MTPAP: variants seen among roughly 807,000 people sequenced by gnomAD.
The protein encoded by MTPAP is poly(A) RNA polymerase, mitochondrial.
In MTPAP, 23 loss-of-function variants were observed where a neutral mutation model predicts 48.7. The observed-to-expected ratio is 0.47, with a 90% confidence interval of 0.34 to 0.67. The LOEUF is 0.67. Among genes scored for constraint, MTPAP ranks in the 30% least tolerant of loss-of-function variants. The pLI, the probability that MTPAP is intolerant of heterozygous loss-of-function variation, is 0.01. For synonymous variants in MTPAP, 257 were observed against 254.1 expected, an observed-to-expected ratio of 1.01 and a Z score of -0.11; for missense variants, 614 against 694.3, an observed-to-expected ratio of 0.88 and a Z score of 1.30.
chr10:30,347,772 T>A (rs1042179628), intron 1 of MTPAP, among the ~76,000 whole-genome samples: 6 of 152,018 alleles, frequency 3.9e-5, no homozygotes, highest in African/African-American at 1.5e-4. Context: ...GTGCCTGTAA[T>A]CCCAGCTACT....
intron 4 of MTPAP, among the ~76,000 whole-genome samples, chr10:30,335,423 T>C (rs748762073): frequency 1.3e-5 from 2 of 152,014 alleles, no homozygotes; most frequent in Non-Finnish European, 2.9e-5. Context: ...AAGGCGGAAG[T>C]TGCTGTGAGC....
intron 8 of MTPAP, among the ~76,000 whole-genome samples, chr10:30,314,884 CAAAAAAAA>C (rs34249388): frequency 7.2e-5 from 8 of 110,744 alleles, no homozygotes; most frequent in African/African-American, 2.8e-4. Context: ...AAAACAAAAA[CAAAAAAAA>C]AAAAAAAAAA....
intron 1 of MTPAP, among the ~76,000 whole-genome samples, chr10:30,348,322 A>G (rs1834894747): frequency 6.6e-6 from 1 of 152,230 alleles, no homozygotes; most frequent in Non-Finnish European, 1.5e-5. Flanking sequence ...CGTAGAAGTC[A>G]ATACATTTTG....
At chr10:30,334,810 CTG>C (rs1834709534) in intron 4 of MTPAP, among the ~76,000 whole-genome samples, 1 of 152,142 alleles carries the variant, frequency 6.6e-6, no homozygotes, top group Non-Finnish European at 1.5e-5. Flanking sequence ...AAAATTCAAA[CTG>C]TGAGTGAAGG....
At chr10:30,345,877 T>A (rs959963006) in intron 1 of MTPAP, among the ~76,000 whole-genome samples, 8 of 151,672 alleles carry the variant, frequency 5.3e-5, no homozygotes, top group African/African-American at 1.9e-4. Context: ...TGAAATCCCA[T>A]CTCTACTAAA....
chr10:30,324,887 G>A (rs1341071598), intron 5 of MTPAP, among the ~76,000 whole-genome samples: 1 of 152,070 alleles, frequency 6.6e-6, no homozygotes, highest in Non-Finnish European at 1.5e-5. Flanking sequence ...TCGGAAGGCT[G>A]AGGCAGGAGA....
At chr10:30,319,806 T>C (rs770600257) in intron 6 of MTPAP, among the ~76,000 whole-genome samples, 14 of 152,236 alleles carry the variant, frequency 9.2e-5, no homozygotes, top group South Asian at 2.1e-4. Flanking sequence ...CGAGAAGCAA[T>C]TGCAAAAACT....
At chr10:30,347,321 A>T (rs1834884960) in intron 1 of MTPAP, among the ~76,000 whole-genome samples, 1 of 152,230 alleles carries the variant, frequency 6.6e-6, no homozygotes, top group African/African-American at 2.4e-5. Context: ...TTATTGCTAT[A>T]AACTGGTAAT....
At chr10:30,325,156 AT>A (rs1834568535) in intron 5 of MTPAP, among the ~76,000 whole-genome samples, 1 of 152,178 alleles carries the variant, frequency 6.6e-6, no homozygotes, top group Non-Finnish European at 1.5e-5. Flanking sequence ...GATAAATGTA[AT>A]TTTGTCCTAT....
At chr10:30,339,411 G>A (rs59372240) in intron 3 of MTPAP, among the ~76,000 whole-genome samples, 17,446 of 149,118 alleles carry the variant, frequency 0.12, 1,873 homozygotes, top group East Asian at 0.52. Flanking sequence ...TGCTTGAATC[G>A]GGGAGCAGTT....
chr10:30,313,150 T>C lies in MTPAP; in HGVS notation c.*459A>G, dbSNP rs1337255083. 1 of 181,382 alleles carries C rather than the reference T, an allele frequency of 5.5e-6. No individual in the cohort carries two copies. The highest frequency in any genetic ancestry group is 1.2e-5 in the Non-Finnish European group (1 of 85,350). 11.2% of individuals were successfully genotyped at this position (181,382 alleles called of 1,614,324 possible). On this transcript the variant is annotated 3_prime_UTR_variant, in exon 9 of 9. Coordinates refer to ENST00000263063, the MANE Select transcript of MTPAP (RefSeq NM_018109.4). ...TTTTCTAAACAGGGACTGATGTGGA[T>C]ATCAACAATGGTTTCATCCTAAAAC...
In MTPAP at chr10:30,311,399, T is replaced by G. The variant is rs1344338617; in HGVS notation, c.*2210A>C. Reference sequence around the variant, plus strand: ...GACATAAAATTTAAATGGGAAAAATTTTTAAAGTACTACAAACTCTAAATC... The same window carrying G: ...GACATAAAATTTAAATGGGAAAAATGTTTAAAGTACTACAAACTCTAAATC... On this transcript the variant is annotated 3_prime_UTR_variant, in exon 9 of 9. Transcript: ENST00000263063. 1.3e-5 allele frequency: 2 copies of G among 152,132 alleles called. No individual in the cohort carries two copies. Among genetic ancestry groups the G allele is most frequent in the East Asian group, 3.8e-4 (2 of 5,198 alleles). 9.4% of individuals were successfully genotyped at this position (152,132 alleles called of 1,614,324 possible).
At chr10:30,327,539 TA>T (rs1356786449) in intron 4 of MTPAP, among the ~76,000 whole-genome samples, 4 of 140,614 alleles carry the variant, frequency 2.8e-5, no homozygotes, top group Admixed American at 2.2e-4. Context: ...AATAAATAAA[TA>T]AATTACTAAA....
rs1194313210 is a variant in MTPAP at position 30,349,003 on chromosome 10, G to GC, written c.157+115dup. The GC allele has an allele frequency of 6.7e-6, 10 of 1,482,972 alleles. No homozygotes were observed. In the Admixed American group the frequency reaches 1.8e-4, roughly 26 times the overall value. The allele number at this position is 1,482,972 out of a possible 1,614,324, so 91.9% of individuals were successfully genotyped here. On this transcript the variant is annotated intron_variant, in intron 1 of 8. Transcript: ENST00000263063. ...AGAGGAGAGGAGAGGACAGGACACA[G>GC]CCCCACCCTCTTGCCAAAGGGTCCA...
At chr10:30,318,542 A>C in intron 6 of MTPAP, among the ~76,000 whole-genome samples, 1 of 152,356 alleles carries the variant, frequency 6.6e-6, no homozygotes, top group South Asian at 2.1e-4. Flanking sequence ...TCTTCAATTA[A>C]AGCACTAAGC....
intron 6 of MTPAP, among the ~76,000 whole-genome samples, chr10:30,317,621 A>G (rs1840677095): frequency 6.6e-6 from 1 of 152,170 alleles, no homozygotes; most frequent in Admixed American, 6.5e-5. Flanking sequence ...GCTACTTCCT[A>G]TCTGAAAGCA....
At position 30,313,327 on chromosome 10, in the gene MTPAP, T is replaced by G. The variant is rs1840619821; in HGVS notation, c.*282A>C. 1 of 423,160 alleles carries G rather than the reference T, an allele frequency of 2.4e-6. No homozygotes were observed. Among genetic ancestry groups the G allele is most frequent in the Non-Finnish European group, 4.3e-6 (1 of 232,532 alleles). The allele number at this position is 423,160 out of a possible 1,614,324, so 26.2% of individuals were successfully genotyped here. Reference sequence around the variant, plus strand: ...CCACGATGGATTCAAAATCCTGGGCTCAAGAGATCCTCCTGCCTCAGCCTC... The same window carrying G: ...CCACGATGGATTCAAAATCCTGGGCGCAAGAGATCCTCCTGCCTCAGCCTC... On this transcript the variant is annotated 3_prime_UTR_variant, in exon 9 of 9. Transcript: ENST00000263063.
intron 6 of MTPAP, among the ~76,000 whole-genome samples, chr10:30,319,128 A>G (rs639299): frequency 0.56 from 85,089 of 151,916 alleles, 25,906 homozygotes; most frequent in Middle Eastern, 0.7. Flanking sequence ...AAAAAAGCAC[A>G]AAACATCAGG....
Position 30,340,010 on chromosome 10 carries a change from A to G in MTPAP, c.555+216T>C, listed in dbSNP as rs981442720. The G allele has an allele frequency of 7.6e-5, 44 of 575,266 alleles. No individual in the cohort carries two copies. The African/African-American group carries it at 8.1e-4, about 11-fold the overall frequency. The allele number at this position is 575,266 out of a possible 1,614,324, so 35.6% of individuals were successfully genotyped here. A position where few individuals can be genotyped will look rare whatever the true frequency, so the allele number is the denominator to read the frequency against. ...TCAACATCTACTCAATGTGTTGAGC[A>G]TGACGACATTCTTAGAAAGCTAGAA... is the stretch of plus-strand genomic sequence containing the variant. On this transcript the variant is annotated intron_variant, in intron 3 of 8. Coordinates refer to ENST00000263063, the MANE Select transcript of MTPAP (RefSeq NM_018109.4).
Sources: gnomAD v4.1 joint callset for allele counts (sites outside exome capture counted in the v4.1 genomes callset) on GRCh38, gnomAD v4.1.1 for gene constraint, MANE v1.5 for transcripts, NCBI Gene and HGNC (gene_info 2026-07-23, HGNC 2026-07-21) for gene names.